The following NKAIN2 variants were observed in gnomAD, a reference collection of about 807,000 sequenced individuals.
NKAIN2 encodes sodium/potassium-transporting ATPase subunit beta-1-interacting protein 2.
A neutral mutation model predicts 32.6 loss-of-function variants in NKAIN2; 14 were observed. That is an observed-to-expected ratio of 0.43 (90% confidence interval 0.28 to 0.67). NKAIN2 has a LOEUF of 0.67. Among genes scored for constraint, NKAIN2 ranks in the 30% least tolerant of loss-of-function variants. The probability of loss-of-function intolerance (pLI) is 0.17; values close to 1 mark genes in which losing one functional copy is unlikely to be tolerated. For missense variants in NKAIN2, 198 were observed against 258.3 expected (o/e 0.77, Z 1.60); for synonymous variants, 80 against 87.2 (o/e 0.92, Z 0.46).
At chr6:124,291,272 C>CT in intron 2 of NKAIN2, among the ~76,000 whole-genome samples, 1 of 140,476 alleles carries the variant, frequency 7.1e-6, no homozygotes. Flanking sequence ...CAAAGAACTG[C>CT]TTGAGATATT....
intron 3 of NKAIN2, among the ~76,000 whole-genome samples, chr6:124,533,217 C>T (rs1345688892): frequency 6.6e-6 from 1 of 152,054 alleles, no homozygotes; most frequent in Non-Finnish European, 1.5e-5. Context: ...GCCATATTCT[C>T]ACATCACCCC....
At chr6:124,498,193 G>A (rs2114740970) in intron 3 of NKAIN2, among the ~76,000 whole-genome samples, 1 of 152,290 alleles carries the variant, frequency 6.6e-6, no homozygotes, top group South Asian at 2.1e-4. Flanking sequence ...AATACGAACT[G>A]TGAGTCAGGT....
chr6:124,212,072 A>G (rs894335649), intron 1 of NKAIN2, among the ~76,000 whole-genome samples: 2 of 152,128 alleles, frequency 1.3e-5, no homozygotes, highest in East Asian at 1.9e-4. Context: ...TTAATAAAAT[A>G]TGAAAAATAA....
chr6:124,158,972 C>T (rs1340776167), intron 1 of NKAIN2, among the ~76,000 whole-genome samples: 1 of 152,142 alleles, frequency 6.6e-6, no homozygotes, highest in African/African-American at 2.4e-5. Flanking sequence ...ATGACACCCT[C>T]ATAGGATTTT....
chr6:124,484,138 G>C (rs62435061), intron 3 of NKAIN2, among the ~76,000 whole-genome samples: 6,838 of 152,260 alleles, frequency 0.045, 263 homozygotes, highest in Non-Finnish European at 0.065. Flanking sequence ...GTTTTTGAAA[G>C]CTTTAGACCC....
chr6:124,315,299 A>AT (rs1796901934), intron 2 of NKAIN2, among the ~76,000 whole-genome samples: 1 of 152,134 alleles, frequency 6.6e-6, no homozygotes. Context: ...GAATCCAGAG[A>AT]TAAAGGTACC....
chr6:124,567,214 C>T (rs1276155256), intron 3 of NKAIN2, among the ~76,000 whole-genome samples: 1 of 152,180 alleles, frequency 6.6e-6, no homozygotes, highest in African/African-American at 2.4e-5. Flanking sequence ...TGCTTTCACC[C>T]TTCTACCTAC....
At chr6:124,520,638 C>T (rs1779085649) in intron 3 of NKAIN2, among the ~76,000 whole-genome samples, 3 of 152,258 alleles carry the variant, frequency 2.0e-5, no homozygotes, top group East Asian at 1.9e-4. Context: ...TACAGAGATT[C>T]GAATGAGTAA....
At chr6:124,037,712 C>T (rs963457030) in intron 1 of NKAIN2, among the ~76,000 whole-genome samples, 5 of 152,168 alleles carry the variant, frequency 3.3e-5, no homozygotes, top group Non-Finnish European at 2.9e-5. Flanking sequence ...ACTACAGTTA[C>T]GGAATTCCAA....
At chr6:124,798,787 CT>C (rs1373240740) in intron 5 of NKAIN2, among the ~76,000 whole-genome samples, 2 of 152,142 alleles carry the variant, frequency 1.3e-5, no homozygotes, top group Non-Finnish European at 2.9e-5. Flanking sequence ...CCCAAAGCCA[CT>C]AGCTCATTCA....
intron 1 of NKAIN2, among the ~76,000 whole-genome samples, chr6:124,160,723 GA>G (rs1232352355): frequency 2.6e-5 from 4 of 152,086 alleles, no homozygotes; most frequent in Non-Finnish European, 5.9e-5. Flanking sequence ...ATATTCAAGA[GA>G]GGGGTGATTT....
chr6:124,391,316 G>T (rs1773131837), intron 3 of NKAIN2, among the ~76,000 whole-genome samples: 1 of 152,244 alleles, frequency 6.6e-6, no homozygotes, highest in Non-Finnish European at 1.5e-5. Context: ...GGCAAAAGGG[G>T]TTAGCAGGTG....
intron 1 of NKAIN2, among the ~76,000 whole-genome samples, chr6:124,017,262 T>A (rs1168545715): frequency 6.6e-6 from 1 of 152,056 alleles, no homozygotes; most frequent in African/African-American, 2.4e-5. Flanking sequence ...TTTAATTACT[T>A]CCCATAGGGT....
chr6:124,272,133 G>T (rs1794823120), intron 1 of NKAIN2, among the ~76,000 whole-genome samples: 1 of 152,192 alleles, frequency 6.6e-6, no homozygotes, highest in Admixed American at 6.5e-5. Flanking sequence ...GAGAAATTCA[G>T]AAATTTGCAT....
rs563719706 is a variant in NKAIN2, at chr6:124,184,458, T to C, written c.55-98547T>C. The stretch of plus-strand genomic sequence containing the variant: ...AATGTTTATGTCATTCTGGGCCTCA[T>C]AAGTCATTTGGCACTGTACTCACCA... On this transcript the variant is annotated intron_variant, in intron 1 of 6. Coordinates refer to ENST00000368417, the MANE Select transcript of NKAIN2 (RefSeq NM_001040214.3). 6.6e-5 allele frequency among the ~76,000 whole-genome samples: 10 copies of C among 152,252 alleles called. No individual in the cohort carries two copies. In the South Asian group the frequency reaches 1.7e-3, roughly 25 times the overall value.
chr6:124,591,232 G>T (rs1280872234), intron 3 of NKAIN2, among the ~76,000 whole-genome samples: 1 of 152,230 alleles, frequency 6.6e-6, no homozygotes, highest in Admixed American at 6.5e-5. Flanking sequence ...CTGTTTAAAA[G>T]TCAACTATTT....
At chr6:124,197,872 A>G (rs1790396117) in intron 1 of NKAIN2, among the ~76,000 whole-genome samples, 1 of 84,530 alleles carries the variant, frequency 1.2e-5, no homozygotes, top group Non-Finnish European at 2.4e-5. Flanking sequence ...ATTTTGTTGC[A>G]TTTATGAGTG....
At chr6:124,596,220 C>T (rs916686697) in intron 3 of NKAIN2, among the ~76,000 whole-genome samples, 9 of 152,132 alleles carry the variant, frequency 5.9e-5, no homozygotes, top group Non-Finnish European at 1.0e-4. Context: ...TGGGAAGGTA[C>T]TTAGGGGGCA....
chr6:124,809,223 C>G (rs2114854332), intron 5 of NKAIN2, among the ~76,000 whole-genome samples: 1 of 151,750 alleles, frequency 6.6e-6, no homozygotes, highest in South Asian at 2.1e-4. Flanking sequence ...CACTACCTGA[C>G]TTCAAACTAT....
Sources: gnomAD v4.1 joint callset for allele counts (sites outside exome capture counted in the v4.1 genomes callset) on GRCh38, gnomAD v4.1.1 for gene constraint, MANE v1.5 for transcripts, NCBI Gene and HGNC (gene_info 2026-07-23, HGNC 2026-07-21) for gene names.